Variants in CDH18 observed in about 807,000 individuals in gnomAD.
CDH18 encodes the protein cadherin 18.
A neutral mutation model predicts 67.9 loss-of-function variants in CDH18; 31 were observed. That is an observed-to-expected ratio of 0.46 (90% CI 0.34 to 0.62). The LOEUF is 0.62. Among genes scored for constraint, CDH18 ranks in the 20% least tolerant of loss-of-function variants. The pLI, the probability that CDH18 is intolerant of heterozygous loss-of-function variation, is 0.01. For synonymous variants in CDH18, 362 were observed against 347.2 expected (o/e 1.04, Z -0.48); for missense variants, 890 against 975.5 (o/e 0.91, Z 1.17).
At chr5:19,672,105 G>A (rs925458747) in intron 5 of CDH18, among the ~76,000 whole-genome samples, 1 of 152,090 alleles carries the variant, frequency 6.6e-6, no homozygotes, top group East Asian at 1.9e-4. Context: ...AGTGATTGGA[G>A]CTGTGTTCAC....
At chr5:20,253,797 G>A (rs755675013) in intron 2 of CDH18, among the ~76,000 whole-genome samples, 4 of 152,160 alleles carry the variant, frequency 2.6e-5, no homozygotes, top group Admixed American at 6.5e-5. Flanking sequence ...GAGTGAAGGG[G>A]AGAGAATAAG....
chr5:19,806,282 A>C (rs1778022995), intron 3 of CDH18, among the ~76,000 whole-genome samples: 1 of 152,198 alleles, frequency 6.6e-6, no homozygotes, highest in Admixed American at 6.5e-5. Context: ...CTGTTGCACT[A>C]TCAGCACTGT....
At chr5:19,978,378 T>C (rs1798707403) in intron 2 of CDH18, among the ~76,000 whole-genome samples, 2 of 152,244 alleles carry the variant, frequency 1.3e-5, no homozygotes, top group East Asian at 1.9e-4. Flanking sequence ...TCCAGACTGA[T>C]AGTATAATTA....
chr5:20,492,894 A>G (rs1169514556), intron 1 of CDH18, among the ~76,000 whole-genome samples: 1 of 152,198 alleles, frequency 6.6e-6, no homozygotes, highest in African/African-American at 2.4e-5. Flanking sequence ...TTAGAAGACT[A>G]AACCTGGAAA....
At chr5:20,289,629 G>A (rs1301019729) in intron 1 of CDH18, among the ~76,000 whole-genome samples, 1 of 151,730 alleles carries the variant, frequency 6.6e-6, no homozygotes, top group East Asian at 1.9e-4. Flanking sequence ...TGAAATAAGT[G>A]TAAAAATATG....
chr5:19,889,445 G>A (rs930800368), intron 2 of CDH18, among the ~76,000 whole-genome samples: 2 of 151,850 alleles, frequency 1.3e-5, no homozygotes, highest in Admixed American at 6.6e-5. Context: ...TATAGCTCTT[G>A]TATTTTTGTG....
chr5:19,472,124 A>C lies in CDH18; in HGVS notation c.*1102T>G, dbSNP rs1382005694. On this transcript the variant is annotated 3_prime_UTR_variant, in exon 13 of 13. Coordinates refer to ENST00000382275, the MANE Select transcript of CDH18 (RefSeq NM_004934.5). The stretch of plus-strand genomic sequence containing the variant: ...ACTAATTATCAGTGAGATGGAAAAA[A>C]TCTGAAACTGTGTAAGGAATAAATG... Among the ~76,000 whole-genome samples the C allele has an allele frequency of 6.6e-6, 1 of 152,160 alleles. No individual in the cohort carries two copies. Among genetic ancestry groups the C allele is most frequent in the Non-Finnish European group, 1.5e-5 (1 of 68,044 alleles).
intron 2 of CDH18, among the ~76,000 whole-genome samples, chr5:20,198,943 A>G (rs1210771581): frequency 2.0e-5 from 3 of 152,194 alleles, no homozygotes; most frequent in African/African-American, 7.2e-5. Flanking sequence ...GAGTGCACAG[A>G]AGACAATAAT....
chr5:19,525,694 G>C (rs1045490561), intron 9 of CDH18, among the ~76,000 whole-genome samples: 4 of 152,118 alleles, frequency 2.6e-5, no homozygotes, highest in Non-Finnish European at 4.4e-5. Flanking sequence ...CCTTCTTGCA[G>C]CATTCTGGTA....
chr5:20,375,140 C>A (rs940234043), intron 1 of CDH18, among the ~76,000 whole-genome samples: 1 of 152,102 alleles, frequency 6.6e-6, no homozygotes, highest in Non-Finnish European at 1.5e-5. Flanking sequence ...TATATCCTGA[C>A]CCCCTCTCTT....
chr5:19,584,712 C>CA (rs1210182330), intron 7 of CDH18, among the ~76,000 whole-genome samples: 1 of 129,328 alleles, frequency 7.7e-6, no homozygotes, highest in Admixed American at 9.6e-5. Flanking sequence ...GTTTGGGAGG[C>CA]GGAAGCTGGC....
intron 1 of CDH18, among the ~76,000 whole-genome samples, chr5:20,439,190 C>A (rs1377983001): frequency 6.6e-6 from 1 of 151,416 alleles, no homozygotes; most frequent in Non-Finnish European, 1.5e-5. Context: ...AACTTTTGCA[C>A]TAATCAAATA....
chr5:19,963,540 G>C (rs1797120115), intron 2 of CDH18, among the ~76,000 whole-genome samples: 1 of 151,874 alleles, frequency 6.6e-6, no homozygotes, highest in Admixed American at 6.6e-5. Flanking sequence ...GAGATCTGTT[G>C]GTTGTATAAA....
chr5:19,906,812 T>C (rs1340304265), intron 2 of CDH18, among the ~76,000 whole-genome samples: 1 of 151,968 alleles, frequency 6.6e-6, no homozygotes, highest in Non-Finnish European at 1.5e-5. Context: ...ATGATAATAA[T>C]AAATAAATAA....
At chr5:19,588,686 C>T (rs1410559610) in intron 7 of CDH18, among the ~76,000 whole-genome samples, 1 of 151,756 alleles carries the variant, frequency 6.6e-6, no homozygotes, top group Non-Finnish European at 1.5e-5. Context: ...CTTATGGGCT[C>T]ATAAAGGGAT....
chr5:20,464,402 T>A (rs1044851723), intron 1 of CDH18, among the ~76,000 whole-genome samples: 12 of 152,136 alleles, frequency 7.9e-5, no homozygotes, highest in African/African-American at 2.4e-4. Flanking sequence ...CATAAATCAA[T>A]GATTAGAGTT....
chr5:20,334,729 ATC>A (rs766458176), intron 1 of CDH18, among the ~76,000 whole-genome samples: 4,925 of 129,392 alleles, frequency 0.038, 99 homozygotes, highest in East Asian at 0.074. Flanking sequence ...GAGTGCTATG[ATC>A]TCTCTCTCTC....
chr5:20,236,943 A>G (rs983249790), intron 2 of CDH18, among the ~76,000 whole-genome samples: 1 of 152,038 alleles, frequency 6.6e-6, no homozygotes, highest in African/African-American at 2.4e-5. Context: ...CAAATCCTAT[A>G]GCTCTTACAA....
At chr5:19,636,022 C>A (rs1177423614) in intron 5 of CDH18, among the ~76,000 whole-genome samples, 4 of 151,932 alleles carry the variant, frequency 2.6e-5, no homozygotes, top group Admixed American at 6.6e-5. Flanking sequence ...GAAATACTAC[C>A]CATAAACCAC....
Sources: allele counts gnomAD v4.1 joint callset (sites outside exome capture counted in the v4.1 genomes callset), GRCh38; gene constraint gnomAD v4.1.1; transcripts MANE v1.5; gene names NCBI Gene and HGNC (gene_info 2026-07-23, HGNC 2026-07-21).